Variants in CERS4 observed in about 807,000 individuals in gnomAD.
CERS4 encodes the protein LAG1 homolog, ceramide synthase 4.
A neutral mutation model predicts 51.8 loss-of-function variants in CERS4; 65 were observed. The ratio of observed to expected loss-of-function variants is 1.26; its 90% CI spans 1.03 to 1.54. The LOEUF (loss-of-function observed/expected upper bound fraction) is 1.54. Ranked by LOEUF, CERS4 falls within the 40% of genes most tolerant of loss-of-function variation. The pLI, the probability that CERS4 is intolerant of heterozygous loss-of-function variation, is 0.00. For synonymous variants in CERS4, 228 were observed against 208.4 expected (o/e 1.09, Z -0.81); for missense variants, 563 against 500.4 (o/e 1.13, Z -1.19).
intron 4 of CERS4, 27 bp downstream of exon 4, chr19:8,254,643 C>T (rs540021488): frequency 2.7e-5 from 43 of 1,569,502 alleles, no homozygotes; most frequent in Middle Eastern, 2.1e-4. Context: ...CCCTCCGACC[C>T]GCACTACTGC....
chr19:8,236,494 A>G (rs1318581025), intron 2 of CERS4, among the ~76,000 whole-genome samples: 3 of 149,830 alleles, frequency 2.0e-5, no homozygotes, highest in African/African-American at 7.4e-5. Context: ...CCTGGGCAAC[A>G]TGGTGAAATC....
Position 8,251,224 on chromosome 19 carries a change from CTGGCCATGCGCCTTGCCTT to C in CERS4, c.151_169del (p.Ala51ArgfsTer8), listed in dbSNP as rs1320774554. ...AGCCCTGCCCCTGGCGCTGGTCCTC[CTGGCCATGCGCCTTGCCTT>C]TGAGAGGTGAGTGTCTGCCCTGCCG... On this transcript the variant is annotated frameshift_variant, in exon 3 of 12. Coordinates refer to ENST00000251363, the MANE Select transcript of CERS4 (RefSeq NM_024552.3). LOFTEE classifies it high-confidence loss of function. 6.2e-7 allele frequency: 1 copy of C among 1,609,262 alleles called. No individual in the cohort carries two copies. The highest frequency in any genetic ancestry group is 8.5e-7 in the Non-Finnish European group (1 of 1,177,946).
At chr19:8,239,209 C>T (rs1272536613) in intron 2 of CERS4, 1 of 151,966 alleles carries the variant, frequency 6.6e-6, no homozygotes, top group East Asian at 1.9e-4. Flanking sequence ...CGAAACCAGC[C>T]TGGCCAGCAT....
intron 2 of CERS4, among the ~76,000 whole-genome samples, chr19:8,249,587 A>ATTTTTTTTTTTTTTTTTTT (rs869119452): frequency 1.1e-5 from 1 of 91,380 alleles, no homozygotes; most frequent in Non-Finnish European, 2.0e-5. Context: ...GGAACTCTGG[A>ATTTTTTTTTTTTTTTTTTT]TTTTTTTTTT....
intron 8 of CERS4, 109 bp from the exon 9 acceptor site, chr19:8,256,840 G>A: frequency 6.3e-7 from 1 of 1,588,066 alleles, no homozygotes; most frequent in Non-Finnish European, 8.6e-7. Context: ...AGAGGCCATG[G>A]GCCCAGAGGC....
intron 2 of CERS4, among the ~76,000 whole-genome samples, chr19:8,224,126 AG>A (rs200765211): frequency 0.013 from 708 of 53,842 alleles, 27 homozygotes; most frequent in Non-Finnish European, 0.02. Flanking sequence ...AAAAAAAAAA[AG>A]GCCAGGCACG....
intron 6 of CERS4, 131 bp downstream of exon 6, chr19:8,256,010 A>G: frequency 9.3e-7 from 1 of 1,080,490 alleles, no homozygotes; most frequent in Non-Finnish European, 1.4e-6. Context: ...GAGCTTTGCA[A>G]GATGGTGGTG....
intron 10 of CERS4, among the ~76,000 whole-genome samples, chr19:8,259,616 A>G (rs1280616737): frequency 6.6e-6 from 1 of 152,084 alleles, no homozygotes; most frequent in Non-Finnish European, 1.5e-5. Context: ...GGCAGACTTA[A>G]GGGGATGCCT....
chr19:8,212,774 G>A (rs898167609), intron 2 of CERS4, among the ~76,000 whole-genome samples: 1 of 151,044 alleles, frequency 6.6e-6, no homozygotes, highest in Non-Finnish European at 1.5e-5. Flanking sequence ...GAGTAGCTGG[G>A]ATTACAGGTG....
In CERS4 at chr19:8,244,872, C is replaced by T. The variant is rs921573105; in HGVS notation, c.-1-6204C>T. On this transcript the variant is annotated intron_variant, in intron 2 of 11. Transcript: ENST00000251363. ...TTGAACTCTTGGCTTTGGCCAGGCGCGGTGGCTCTCACCTGTAATCCCAGC... is the reference window on the plus strand; with the variant it reads ...TTGAACTCTTGGCTTTGGCCAGGCGTGGTGGCTCTCACCTGTAATCCCAGC... Among the ~76,000 whole-genome samples the T allele has an allele frequency of 9.4e-5, 14 of 149,632 alleles. 1 individual carries two copies. Among genetic ancestry groups the T allele is most frequent in the East Asian group, 4.3e-4 (2 of 4,664 alleles).
intron 9 of CERS4, among the ~76,000 whole-genome samples, chr19:8,257,456 C>T (rs188202724): frequency 4.6e-5 from 7 of 151,710 alleles, no homozygotes; most frequent in African/African-American, 1.2e-4. Context: ...TTTTTTGAGA[C>T]GGAGTCTCAC....
chr19:8,222,370 G>T (rs1177396585), intron 2 of CERS4, among the ~76,000 whole-genome samples: 1 of 151,466 alleles, frequency 6.6e-6, no homozygotes, highest in East Asian at 1.9e-4. Context: ...GTAGAGATGG[G>T]GTTTCACCAT....
intron 2 of CERS4, among the ~76,000 whole-genome samples, chr19:8,234,635 C>T: frequency 7.4e-6 from 1 of 134,296 alleles, no homozygotes; most frequent in South Asian, 2.6e-4. Flanking sequence ...CTCACTGCAA[C>T]TTCTGCTTCC....
intron 10 of CERS4, among the ~76,000 whole-genome samples, chr19:8,258,426 G>A (rs1430555609): frequency 6.6e-6 from 1 of 152,110 alleles, no homozygotes; most frequent in Non-Finnish European, 1.5e-5. Flanking sequence ...TAAATTTGAC[G>A]GGCCGGGCGT....
At chr19:8,238,248 T>A (rs1385329937) in intron 2 of CERS4, among the ~76,000 whole-genome samples, 3 of 151,762 alleles carry the variant, frequency 2.0e-5, no homozygotes, top group African/African-American at 7.3e-5. Context: ...TACTCCAACC[T>A]CCAGGGAGCC....
At chr19:8,239,024 CCAAGAGTT>C (rs1968398189) in intron 2 of CERS4, among the ~76,000 whole-genome samples, 1 of 151,906 alleles carries the variant, frequency 6.6e-6, no homozygotes, top group Admixed American at 6.6e-5. Flanking sequence ...TCACTTAAGT[CCAAGAGTT>C]CAAGGCTGTA....
intron 10 of CERS4, among the ~76,000 whole-genome samples, chr19:8,258,273 G>A (rs1362270074): frequency 6.6e-6 from 1 of 152,210 alleles, no homozygotes; most frequent in African/African-American, 2.4e-5. Flanking sequence ...GGGGCCTCTT[G>A]AGTGTGCTGG....
At chr19:8,254,765 T>A in intron 4 of CERS4, 149 bp downstream of exon 4, 1 of 688,604 alleles carries the variant, frequency 1.5e-6, no homozygotes, top group Non-Finnish European at 2.5e-6. Flanking sequence ...CATCCTCAAT[T>A]CCCTGGGAAA....
intron 2 of CERS4, among the ~76,000 whole-genome samples, chr19:8,229,243 T>A (rs1338443162): frequency 6.6e-6 from 1 of 152,146 alleles, no homozygotes; most frequent in East Asian, 1.9e-4. Context: ...GAGTATCACC[T>A]GAGCCCAGGA....
Sources: gnomAD v4.1 joint callset for allele counts (sites outside exome capture counted in the v4.1 genomes callset) on GRCh38, gnomAD v4.1.1 for gene constraint, MANE v1.5 for transcripts, NCBI Gene and HGNC (gene_info 2026-07-23, HGNC 2026-07-21) for gene names.